The following NXPE1 variants were observed in gnomAD, a reference collection of about 807,000 sequenced individuals.
The protein encoded by NXPE1 is neurexophilin and PC-esterase domain family member 1.
A neutral mutation model predicts 33.3 loss-of-function variants in NXPE1; 31 were observed. The ratio of observed to expected loss-of-function variants is 0.93; its 90% CI spans 0.70 to 1.26. The LOEUF is 1.26. Among genes scored for constraint, NXPE1 ranks in the 50% most tolerant of loss-of-function variants. NXPE1 has a pLI of 0.00. For missense variants in NXPE1, 661 were observed against 655.6 expected, an observed-to-expected ratio of 1.01 and a Z score of -0.09; for synonymous variants, 229 against 231.4, an observed-to-expected ratio of 0.99 and a Z score of 0.09.
intron 5 of NXPE1, among the ~76,000 whole-genome samples, chr11:114,534,786 A>C (rs551071381): frequency 3.3e-5 from 5 of 152,340 alleles, no homozygotes; most frequent in East Asian, 1.9e-4. Flanking sequence ...CTATGTGAAA[A>C]GACCAAATCT....
chr11:114,553,595 A>T (rs1441268621), intron 1 of NXPE1: 1 of 406,704 alleles, frequency 2.5e-6, no homozygotes, highest in Non-Finnish European at 3.3e-6. Flanking sequence ...CTTAATCAAG[A>T]TCACATTTGT....
intron 7 of NXPE1, among the ~76,000 whole-genome samples, chr11:114,527,507 G>A (rs1284255709): frequency 1.3e-5 from 2 of 152,168 alleles, no homozygotes; most frequent in East Asian, 3.8e-4. Context: ...AGAGAGTTAG[G>A]AAACCAAAAC....
chr11:114,539,171 A>G (rs1157192498), intron 5 of NXPE1, among the ~76,000 whole-genome samples: 4 of 152,138 alleles, frequency 2.6e-5, no homozygotes, highest in Non-Finnish European at 5.9e-5. Flanking sequence ...TTCTGAGCAA[A>G]CTATCACAAG....
chr11:114,522,456 A>T (rs776550762), exon 9 of NXPE1: 1 of 1,611,872 alleles, frequency 6.2e-7, no homozygotes, highest in African/African-American at 1.3e-5. Flanking sequence ...TCCAGAAGCA[A>T]ATGTTTCTTA....
chr11:114,534,936 C>G (rs189446348), intron 5 of NXPE1, among the ~76,000 whole-genome samples: 3 of 152,120 alleles, frequency 2.0e-5, no homozygotes, highest in African/African-American at 7.2e-5. Context: ...GAGAACGCCA[C>G]TAAGATACTC....
intron 6 of NXPE1, chr11:114,528,776 A>C: frequency 1.5e-6 from 1 of 659,012 alleles, no homozygotes; most frequent in South Asian, 1.7e-5. Flanking sequence ...GGTGCCAAGT[A>C]TAACAGATAT....
chr11:114,534,036 A>C (rs1245470838), intron 5 of NXPE1, among the ~76,000 whole-genome samples: 1 of 152,188 alleles, frequency 6.6e-6, no homozygotes, highest in African/African-American at 2.4e-5. Flanking sequence ...GGCACCCCCC[A>C]GTAGGGGCAG....
chr11:114,530,359 A>C, exon 6 of NXPE1: 1 of 1,614,222 alleles, frequency 6.2e-7, no homozygotes, highest in Non-Finnish European at 8.5e-7. Context: ...CATTCAGTGA[A>C]GACATGAGAG....
intron 5 of NXPE1, among the ~76,000 whole-genome samples, chr11:114,537,228 C>A (rs1947865759): frequency 6.6e-6 from 1 of 152,180 alleles, no homozygotes; most frequent in Non-Finnish European, 1.5e-5. Flanking sequence ...CAAAATTCAA[C>A]AACCCTTCAT....
chr11:114,519,239 A>G (rs1387694356), downstream of NXPE1, among the ~76,000 whole-genome samples: 1 of 152,202 alleles, frequency 6.6e-6, no homozygotes, highest in Non-Finnish European at 1.5e-5. Flanking sequence ...TTTGGCAAAA[A>G]GGTTCATTCT....
At chr11:114,546,061 TTTTAACTGTATTACAAA>T (rs1948272200) in intron 5 of NXPE1, among the ~76,000 whole-genome samples, 1 of 152,312 alleles carries the variant, frequency 6.6e-6, no homozygotes, top group African/African-American at 2.4e-5. Context: ...GAACACAGTG[TTTTAACTGTATTACAAA>T]TTTAACTGTA....
chr11:114,526,462 G>T (rs1947373183), intron 7 of NXPE1: 1 of 66,294 alleles, frequency 1.5e-5, no homozygotes, highest in South Asian at 4.5e-4. Context: ...TGCAGATCAT[G>T]CTTTTGTTAA....
In NXPE1 at chr11:114,522,034, G is replaced by A. The variant is rs781312826; in HGVS notation, c.1578C>T (p.Asp526=). 5.6e-6 allele frequency: 9 copies of A among 1,613,744 alleles called. No homozygotes were observed. In the African/African-American group the frequency reaches 1.2e-4, roughly 22 times the overall value. The change falls in exon 9 of 9, where the codon GAC becomes GAT. Residue 526 remains aspartate, a synonymous_variant. Coordinates refer to ENST00000534921, the Ensembl canonical transcript of NXPE1. ...TCACATGATCAGGTGGGTGGATAGTGTCAGTGCCATATGCAATGGTCATGT... is the reference window on the plus strand; with the variant it reads ...TCACATGATCAGGTGGGTGGATAGTATCAGTGCCATATGCAATGGTCATGT...
intron 1 of NXPE1, among the ~76,000 whole-genome samples, 172 bp downstream of exon 1, chr11:114,559,626 C>A (rs1339033303): frequency 6.6e-6 from 1 of 150,596 alleles, no homozygotes; most frequent in Non-Finnish European, 1.5e-5. Flanking sequence ...TTTTTTGTTT[C>A]CCACACTTTC....
At chr11:114,529,930 T>C (rs1029711357) in intron 6 of NXPE1, 10 of 449,520 alleles carry the variant, frequency 2.2e-5, no homozygotes, top group Non-Finnish European at 3.5e-5. Context: ...AATCTTTTTT[T>C]CAGTGGAACA....
In NXPE1 at chr11:114,530,640, TC is replaced by T. The variant is rs753253038; in HGVS notation, c.367del (p.Glu123ArgfsTer2). The stretch of plus-strand genomic sequence containing the variant: ...CCTCTGTCCCAAGTGGTCCCTCACC[TC>T]CAGTAGGATGTCCAGCTGGTCTCCC... On this transcript the variant is annotated frameshift_variant, in exon 6 of 9. Coordinates refer to ENST00000534921, the Ensembl canonical transcript of NXPE1. LOFTEE classifies it high-confidence loss of function. 4 of 1,614,006 alleles carry T rather than the reference TC, an allele frequency of 2.5e-6. No individual in the cohort carries two copies. The highest frequency in any genetic ancestry group is 1.7e-5 in the Admixed American group (1 of 59,998).
In NXPE1 at chr11:114,538,821, T is replaced by G. The variant is rs1174361236; in HGVS notation, c.100-7913A>C. Among the ~76,000 whole-genome samples the G allele has an allele frequency of 3.2e-4, 49 of 152,228 alleles. 3 individuals are homozygous for G. Among genetic ancestry groups the G allele is most frequent in the Admixed American group, 3.2e-3 (49 of 15,296 alleles). ...GAGGATGTGGAGAAATAGGAACACT[T>G]TTACATTGTTGGTGGGACTGTAAAC... On this transcript the variant is annotated intron_variant, in intron 5 of 8. Transcript: ENST00000534921.
chr11:114,523,224 G>T, intron 7 of NXPE1, 133 bp from the exon 8 acceptor site: 1 of 644,184 alleles, frequency 1.6e-6, no homozygotes. Context: ...TCCCTTTCTA[G>T]TCCTATTCTT....
intron 6 of NXPE1, chr11:114,528,763 C>A: frequency 3.2e-6 from 2 of 625,594 alleles, no homozygotes; most frequent in Admixed American, 2.1e-5. Flanking sequence ...GAATGAGGAC[C>A]CAGGTGCCAA....
Sources: gnomAD v4.1 joint callset for allele counts (sites outside exome capture counted in the v4.1 genomes callset) on GRCh38, gnomAD v4.1.1 for gene constraint, MANE v1.5 for transcripts, NCBI Gene and HGNC (gene_info 2026-07-23, HGNC 2026-07-21) for gene names.